SNTG1: variants seen among roughly 807,000 people sequenced by gnomAD.
The protein encoded by SNTG1 is gamma-1-syntrophin.
A neutral mutation model predicts 74.7 loss-of-function variants in SNTG1; 39 were observed. The ratio of observed to expected loss-of-function variants is 0.52; its 90% CI spans 0.40 to 0.68. The LOEUF (loss-of-function observed/expected upper bound fraction) is 0.68. SNTG1 is among the 30% of genes least tolerant of loss of function. The pLI, the probability that SNTG1 is intolerant of heterozygous loss-of-function variation, is 0.00. For missense variants in SNTG1, 685 were observed against 609.5 expected (o/e 1.12, Z -1.30); for synonymous variants, 254 against 217.1 (o/e 1.17, Z -1.49).
chr8:50,781,900 G>A (rs557814176), intron 18 of SNTG1, among the ~76,000 whole-genome samples: 92 of 152,150 alleles, frequency 6.0e-4, no homozygotes, highest in African/African-American at 2.1e-3. Context: ...GGTAGGCCTG[G>A]TGGTGACAAA....
In SNTG1 at chr8:50,336,782, C is replaced by T. The variant is rs116856328; in HGVS notation, c.-27-57430C>T. On this transcript the variant is annotated intron_variant, in intron 2 of 18. Coordinates refer to ENST00000642720, the MANE Select transcript of SNTG1 (RefSeq NM_018967.5). ...ATGCTTATCTTGACCTTGCTGTGTG[C>T]TAGGCATGAGTTTTCCAAAATGTAG... is the stretch of plus-strand genomic sequence containing the variant. Among the ~76,000 whole-genome samples the T allele has an allele frequency of 3.4e-3, 514 of 152,168 alleles. 14 individuals carry two copies. In the East Asian group the frequency reaches 0.061, roughly 18 times the overall value.
At chr8:50,771,744 A>G (rs2095627740) in intron 18 of SNTG1, among the ~76,000 whole-genome samples, 1 of 152,044 alleles carries the variant, frequency 6.6e-6, no homozygotes, top group Non-Finnish European at 1.5e-5. Context: ...GCCTAGGAGT[A>G]CAGAATGGTT....
intron 1 of SNTG1, among the ~76,000 whole-genome samples, chr8:50,000,575 A>C (rs961254465): frequency 4.6e-5 from 7 of 152,214 alleles, no homozygotes; most frequent in African/African-American, 1.7e-4. Context: ...ACCTGACTTA[A>C]GAAAAGCTTG....
chr8:50,419,715 C>G (rs2093057478), intron 4 of SNTG1, among the ~76,000 whole-genome samples: 1 of 151,908 alleles, frequency 6.6e-6, no homozygotes, highest in African/African-American at 2.4e-5. Flanking sequence ...TAACAGATAT[C>G]AAATCTGAAA....
chr8:50,088,937 C>T (rs1370071504), intron 1 of SNTG1, among the ~76,000 whole-genome samples: 211 of 151,158 alleles, frequency 1.4e-3, no homozygotes, highest in African/African-American at 4.7e-3. Flanking sequence ...AAAAAGAGCC[C>T]GCATGGCCAA....
intron 2 of SNTG1, among the ~76,000 whole-genome samples, chr8:50,249,940 A>C (rs2086572227): frequency 6.6e-6 from 1 of 152,164 alleles, no homozygotes; most frequent in African/African-American, 2.4e-5. Context: ...ACCACAAAAT[A>C]ACAGGGTTCT....
chr8:50,462,014 C>T (rs2093567710), intron 8 of SNTG1, among the ~76,000 whole-genome samples: 1 of 152,144 alleles, frequency 6.6e-6, no homozygotes, highest in Non-Finnish European at 1.5e-5. Flanking sequence ...GTTCTAGACA[C>T]TGCAGTAAAA....
intron 1 of SNTG1, among the ~76,000 whole-genome samples, chr8:50,084,028 A>G (rs779993595): frequency 1.2e-4 from 18 of 152,216 alleles, no homozygotes; most frequent in Non-Finnish European, 2.5e-4. Flanking sequence ...CATTAAACAC[A>G]CAAATTATTT....
intron 1 of SNTG1, among the ~76,000 whole-genome samples, chr8:50,160,602 A>G (rs1159950353): frequency 1.3e-5 from 2 of 150,960 alleles, no homozygotes; most frequent in African/African-American, 4.9e-5. Context: ...AACATAGTGT[A>G]TTAGTAAATA....
In SNTG1 at chr8:49,911,577, A is replaced by AC. The variant is rs1805587263; in HGVS notation, c.-757_-756insC. 1 of 151,468 alleles carries AC rather than the reference A, an allele frequency of 6.6e-6. No individual in the cohort carries two copies. The highest frequency in any genetic ancestry group is 6.6e-5 in the Admixed American group (1 of 15,198). 9.4% of individuals were successfully genotyped at this position (151,468 alleles called of 1,614,324 possible). On this transcript the variant is annotated 5_prime_UTR_variant, in exon 1 of 19. Coordinates refer to ENST00000642720, the MANE Select transcript of SNTG1 (RefSeq NM_018967.5). Reference sequence around the variant, plus strand: ...AAAAAAAAAAAAGAAAGAAAAAAGAAAAAAAAAAGAACCGGAGGGGAGAAG... The same window carrying AC: ...AAAAAAAAAAAAGAAAGAAAAAAGAACAAAAAAAAGAACCGGAGGGGAGAAG...
intron 2 of SNTG1, chr8:50,382,287 A>G (rs1313045790): frequency 6.6e-6 from 1 of 152,122 alleles, no homozygotes; most frequent in African/African-American, 2.4e-5. Flanking sequence ...TGTTTTCCTT[A>G]TAGTTTTTAT....
chr8:50,696,929 G>A (rs1227606703), intron 15 of SNTG1, among the ~76,000 whole-genome samples: 1 of 151,928 alleles, frequency 6.6e-6, no homozygotes, highest in Non-Finnish European at 1.5e-5. Flanking sequence ...CTAATTTGGG[G>A]TCTTTTGGGG....
rs555911152 is a variant in SNTG1 at position 50,198,548 on chromosome 8, G to A, written c.-28+25913G>A. Reference sequence around the variant, plus strand: ...CTGCAAGCCCTGATGATTTACCTTTGTGACAGGTGACAGACACTCAGGAAG... The same window carrying A: ...CTGCAAGCCCTGATGATTTACCTTTATGACAGGTGACAGACACTCAGGAAG... On this transcript the variant is annotated intron_variant, in intron 2 of 18. Coordinates refer to ENST00000642720, the MANE Select transcript of SNTG1 (RefSeq NM_018967.5). Among the ~76,000 whole-genome samples, 74 of 152,262 alleles carry A rather than the reference G, an allele frequency of 4.9e-4. 2 individuals are homozygous for A. The South Asian group carries it at 0.015, about 31-fold the overall frequency.
chr8:50,676,039 C>T (rs1036482496), intron 15 of SNTG1, among the ~76,000 whole-genome samples: 1 of 151,940 alleles, frequency 6.6e-6, no homozygotes, highest in African/African-American at 2.4e-5. Flanking sequence ...AGTGACCTGG[C>T]CTTTCTCTCT....
At chr8:50,115,644 A>G (rs1483359593) in intron 1 of SNTG1, among the ~76,000 whole-genome samples, 1 of 150,322 alleles carries the variant, frequency 6.7e-6, no homozygotes, top group East Asian at 2.0e-4. Context: ...AGTTAAGGAG[A>G]CAAGTGATGA....
intron 9 of SNTG1, among the ~76,000 whole-genome samples, chr8:50,520,319 A>T (rs747626524): frequency 2.0e-5 from 3 of 152,238 alleles, no homozygotes; most frequent in Non-Finnish European, 2.9e-5. Context: ...TAAACGTAAG[A>T]TCTAAAACCA....
At chr8:50,502,179 G>T (rs1025402898) in intron 8 of SNTG1, among the ~76,000 whole-genome samples, 1 of 152,148 alleles carries the variant, frequency 6.6e-6, no homozygotes, top group East Asian at 1.9e-4. Flanking sequence ...ATAATAACAG[G>T]TTTGCAGGGG....
intron 2 of SNTG1, among the ~76,000 whole-genome samples, chr8:50,283,314 T>C (rs1186372907): frequency 6.6e-6 from 1 of 152,184 alleles, no homozygotes; most frequent in Non-Finnish European, 1.5e-5. Context: ...ATCAGAAACA[T>C]GTAATTGTTA....
chr8:50,140,244 A>T (rs2081612016), intron 1 of SNTG1, among the ~76,000 whole-genome samples: 1 of 152,180 alleles, frequency 6.6e-6, no homozygotes, highest in African/African-American at 2.4e-5. Context: ...TTGTTATTGT[A>T]GTTGAGAAGG....
Sources: gnomAD v4.1 joint callset for allele counts (sites outside exome capture counted in the v4.1 genomes callset) on GRCh38, gnomAD v4.1.1 for gene constraint, MANE v1.5 for transcripts, NCBI Gene and HGNC (gene_info 2026-07-23, HGNC 2026-07-21) for gene names.